The following ASPH variants were observed in gnomAD, a reference collection of about 807,000 sequenced individuals.
The protein encoded by ASPH is aspartate beta-hydroxylase, also known as aspartyl/asparaginyl beta-hydroxylase.
Under a neutral mutation model 118.4 loss-of-function variants are expected in ASPH, and 100 were observed. The ratio of observed to expected loss-of-function variants is 0.84; its 90% CI spans 0.72 to 1.00. The LOEUF (loss-of-function observed/expected upper bound fraction) is 1.00. Among genes scored for constraint, ASPH ranks in the 50% least tolerant of loss-of-function variants. ASPH has a pLI of 0.00. For missense variants in ASPH, 920 were observed against 919.5 expected (o/e 1.00, Z -0.01); for synonymous variants, 315 against 325.6 (o/e 0.97, Z 0.35).
Position 61,562,755 on chromosome 8 carries a change from C to T in ASPH, c.1426G>A (p.Val476Ile), listed in dbSNP as rs1452225977. Reference sequence around the variant, plus strand: ...AGATTGATGCTTACCTCTTCATAAACTTTCTTTGCATTGTCATTATCTCCT... The same window carrying T: ...AGATTGATGCTTACCTCTTCATAAATTTTCTTTGCATTGTCATTATCTCCT... ...LIGDNDNAKK[V>I]YEEVLSVTPN... Residue 476 changes from valine to isoleucine, a missense_variant, in exon 18 of 25, where the codon GTT (valine) becomes ATT (isoleucine). Transcript: ENST00000379454. 6 of 1,606,376 alleles carry T rather than the reference C, an allele frequency of 3.7e-6. No homozygotes were observed. Among genetic ancestry groups the T allele is most frequent in the Non-Finnish European group, 4.2e-6 (5 of 1,177,516 alleles).
intron 14 of ASPH, among the ~76,000 whole-genome samples, chr8:61,598,034 T>C (rs1236623939): frequency 6.6e-6 from 1 of 152,096 alleles, no homozygotes; most frequent in Non-Finnish European, 1.5e-5. Context: ...AACTGCATGA[T>C]AAACAACAGA....
chr8:61,504,708 A>G (rs1253133383), intron 24 of ASPH, among the ~76,000 whole-genome samples: 2 of 152,166 alleles, frequency 1.3e-5, no homozygotes, highest in Admixed American at 1.3e-4. Context: ...GGTTGGTGCA[A>G]AAGTAATTGT....
chr8:61,635,917 A>T (rs191617997), intron 12 of ASPH, among the ~76,000 whole-genome samples: 19 of 152,300 alleles, frequency 1.2e-4, no homozygotes, highest in Middle Eastern at 3.4e-3. Context: ...TCACTTTCAC[A>T]TCTAAAACAA....
chr8:61,670,809 C>A (rs1822098358), intron 3 of ASPH, among the ~76,000 whole-genome samples: 1 of 150,840 alleles, frequency 6.6e-6, no homozygotes, highest in Non-Finnish European at 1.5e-5. Flanking sequence ...TCAAAAAAAT[C>A]CTGAGATAGT....
chr8:61,615,626 G>A (rs1166165230), intron 14 of ASPH, among the ~76,000 whole-genome samples: 2 of 152,264 alleles, frequency 1.3e-5, no homozygotes, highest in Non-Finnish European at 2.9e-5. Context: ...AGCCATTTTT[G>A]TATTGGATTA....
chr8:61,622,524 T>A (rs1230469219), intron 13 of ASPH, among the ~76,000 whole-genome samples: 1 of 152,218 alleles, frequency 6.6e-6, no homozygotes, highest in Non-Finnish European at 1.5e-5. Context: ...CACCAGGACA[T>A]GAGACTGCTC....
intron 1 of ASPH, among the ~76,000 whole-genome samples, chr8:61,709,900 G>A (rs142673272): frequency 3.8e-4 from 58 of 152,244 alleles, no homozygotes; most frequent in African/African-American, 1.2e-3. Context: ...GAAATGTATC[G>A]AGCAGTCCTC....
chr8:61,624,943 A>G, intron 13 of ASPH: 7 of 985,220 alleles, frequency 7.1e-6, no homozygotes, highest in Non-Finnish European at 8.4e-6. Context: ...TTACACATCG[A>G]GTACCCATGC....
At chr8:61,573,854 C>T (rs909608213) in intron 16 of ASPH, among the ~76,000 whole-genome samples, 1 of 152,086 alleles carries the variant, frequency 6.6e-6, no homozygotes, top group East Asian at 1.9e-4. Flanking sequence ...CAAATAGGAT[C>T]GAATTAAACT....
intron 16 of ASPH, among the ~76,000 whole-genome samples, chr8:61,572,433 T>C (rs1833733382): frequency 6.6e-6 from 1 of 152,198 alleles, no homozygotes; most frequent in Non-Finnish European, 1.5e-5. Flanking sequence ...GAATGTCTCA[T>C]AGGCATCACA....
chr8:61,615,087 T>G (rs1848602846), intron 14 of ASPH, among the ~76,000 whole-genome samples: 1 of 152,220 alleles, frequency 6.6e-6, no homozygotes, highest in Non-Finnish European at 1.5e-5. Context: ...CACAAGTTCT[T>G]ACTTTTGTCT....
intron 14 of ASPH, among the ~76,000 whole-genome samples, chr8:61,590,353 G>T (rs2132925644): frequency 6.6e-6 from 1 of 152,152 alleles, no homozygotes; most frequent in Middle Eastern, 3.4e-3. Context: ...AAAGGGCAGT[G>T]GCATAGCAAG....
intron 3 of ASPH, among the ~76,000 whole-genome samples, chr8:61,674,505 T>C (rs1227836709): frequency 6.6e-6 from 1 of 152,220 alleles, no homozygotes; most frequent in African/African-American, 2.4e-5. Context: ...GTCACTTTAA[T>C]AGTCATTTAA....
At chr8:61,667,833 A>G (rs1375498727) in intron 3 of ASPH, among the ~76,000 whole-genome samples, 2 of 152,208 alleles carry the variant, frequency 1.3e-5, no homozygotes, top group African/African-American at 4.8e-5. Context: ...TTGGAGAAAT[A>G]AAAACAATTA....
At chr8:61,504,090 G>A (rs1442376194) in intron 24 of ASPH, among the ~76,000 whole-genome samples, 4 of 152,108 alleles carry the variant, frequency 2.6e-5, no homozygotes, top group Non-Finnish European at 4.4e-5. Flanking sequence ...TTATCCATGG[G>A]ATATTTTAAA....
At chr8:61,689,792 G>A (rs1279546549) in intron 1 of ASPH, 2 of 1,492,594 alleles carry the variant, frequency 1.3e-6, no homozygotes, top group African/African-American at 2.9e-5. Context: ...GCATGCACTT[G>A]CCTACCAGAG....
At chr8:61,625,548 C>T (rs923796760) in intron 13 of ASPH, 7 of 984,954 alleles carry the variant, frequency 7.1e-6, no homozygotes, top group Admixed American at 1.2e-4. Flanking sequence ...ATAGTAGGGC[C>T]ATTCTTTTTC....
At chr8:61,520,564 T>C (rs1177945480) in intron 22 of ASPH, among the ~76,000 whole-genome samples, 2 of 152,226 alleles carry the variant, frequency 1.3e-5, no homozygotes, top group South Asian at 2.1e-4. Flanking sequence ...AAATGTTAAT[T>C]GCTATTTTTA....
chr8:61,565,002 T>C (rs1210711544), intron 17 of ASPH, among the ~76,000 whole-genome samples: 1 of 152,206 alleles, frequency 6.6e-6, no homozygotes, highest in Non-Finnish European at 1.5e-5. Context: ...GGGAAGAGAA[T>C]TGTAAGCCTG....
Sources: gnomAD v4.1 joint callset for allele counts (sites outside exome capture counted in the v4.1 genomes callset) on GRCh38, gnomAD v4.1.1 for gene constraint, MANE v1.5 for transcripts, NCBI Gene and HGNC (gene_info 2026-07-23, HGNC 2026-07-21) for gene names.